PARD3: variants seen among roughly 807,000 people sequenced by gnomAD.
PARD3 encodes partitioning defective 3 homolog.
In PARD3, 75 loss-of-function variants were observed where a neutral mutation model predicts 155.4. That is an observed-to-expected ratio of 0.48 (90% confidence interval 0.40 to 0.58). PARD3 has a LOEUF of 0.58. Among genes scored for constraint, PARD3 ranks in the 20% least tolerant of loss-of-function variants. PARD3 has a pLI of 0.00. For synonymous variants in PARD3, 576 were observed against 610.5 expected (o/e 0.94, Z 0.83); for missense variants, 1,642 against 1,721.7 (o/e 0.95, Z 0.82).
chr10:34,249,202 A>G (rs2804543), intron 22 of PARD3, among the ~76,000 whole-genome samples: 97,326 of 151,962 alleles, frequency 0.64, 31,750 homozygotes, highest in African/African-American at 0.75. Flanking sequence ...TTAACAGTAG[A>G]CATCTCATTA....
At chr10:34,178,572 C>T (rs1051778078) in intron 22 of PARD3, among the ~76,000 whole-genome samples, 4 of 152,180 alleles carry the variant, frequency 2.6e-5, no homozygotes, top group Non-Finnish European at 5.9e-5. Context: ...CCTCCTGGAT[C>T]CTCCTCAAAA....
chr10:34,748,636 G>C (rs1241066788), intron 1 of PARD3, among the ~76,000 whole-genome samples: 1 of 151,850 alleles, frequency 6.6e-6, no homozygotes, highest in Non-Finnish European at 1.5e-5. Flanking sequence ...AACTCTTCAA[G>C]TAGCAGCATC....
At chr10:34,303,821 G>A (rs774999606) in intron 20 of PARD3, among the ~76,000 whole-genome samples, 10 of 152,090 alleles carry the variant, frequency 6.6e-5, no homozygotes, top group Non-Finnish European at 1.3e-4. Context: ...GGGCTGAGGT[G>A]GAGAGGAAGA....
At chr10:34,764,406 T>C (rs930631584) in intron 1 of PARD3, among the ~76,000 whole-genome samples, 5 of 152,184 alleles carry the variant, frequency 3.3e-5, no homozygotes, top group Non-Finnish European at 7.4e-5. Flanking sequence ...CAGTTTAAAA[T>C]AGAATTCCTT....
chr10:34,690,212 G>C (rs1394010868), intron 2 of PARD3, among the ~76,000 whole-genome samples: 1 of 152,194 alleles, frequency 6.6e-6, no homozygotes, highest in Non-Finnish European at 1.5e-5. Context: ...CCAAAGGGCT[G>C]AGATTACAGG....
intron 22 of PARD3, among the ~76,000 whole-genome samples, chr10:34,178,456 A>C (rs1178756661): frequency 6.6e-6 from 1 of 152,242 alleles, no homozygotes; most frequent in Non-Finnish European, 1.5e-5. Context: ...AATGACTTTA[A>C]ATGTCCCTGG....
intron 2 of PARD3, among the ~76,000 whole-genome samples, chr10:34,638,298 C>T (rs2092554699): frequency 6.6e-6 from 1 of 152,132 alleles, no homozygotes; most frequent in South Asian, 2.1e-4. Context: ...ACATTTTCCC[C>T]TAAATTCCTA....
rs139680341 is a variant in PARD3 at position 34,452,984 on chromosome 10, T to G, written c.583-2536A>C. Among the ~76,000 whole-genome samples the G allele has an allele frequency of 9.5e-4, 144 of 152,294 alleles. 1 individual carries two copies. The highest frequency in any genetic ancestry group is 3.3e-3 in the African/African-American group (136 of 41,580). On this transcript the variant is annotated intron_variant, in intron 4 of 24. Coordinates refer to ENST00000374788, the MANE Select transcript of PARD3 (RefSeq NM_001184785.2). ...ATCAACTTGTCTCTTACCTGAAATTTTAACAGTGGCCTTCTAACTGGACAC... is the reference window on the plus strand; with the variant it reads ...ATCAACTTGTCTCTTACCTGAAATTGTAACAGTGGCCTTCTAACTGGACAC...
chr10:34,144,052 A>T (rs1948335400), intron 22 of PARD3, among the ~76,000 whole-genome samples: 1 of 151,716 alleles, frequency 6.6e-6, no homozygotes, highest in Admixed American at 6.6e-5. Context: ...TTTCAGATTT[A>T]GTTAAATTAT....
At chr10:34,507,184 G>T (rs2081123430) in intron 3 of PARD3, among the ~76,000 whole-genome samples, 1 of 152,126 alleles carries the variant, frequency 6.6e-6, no homozygotes, top group Admixed American at 6.6e-5. Flanking sequence ...AACTACGGGA[G>T]AATATGCAAA....
chr10:34,729,181 G>A (rs1315425094), intron 1 of PARD3, among the ~76,000 whole-genome samples: 9 of 152,160 alleles, frequency 5.9e-5, no homozygotes, highest in Admixed American at 2.6e-4. Flanking sequence ...CTTAAGCGGC[G>A]CGTGACTATG....
chr10:34,308,194 C>T (rs780861018), intron 20 of PARD3, among the ~76,000 whole-genome samples: 3 of 152,032 alleles, frequency 2.0e-5, no homozygotes, highest in Non-Finnish European at 2.9e-5. Flanking sequence ...TTCTGTAGGG[C>T]CCTAAGGATT....
Position 34,704,777 on chromosome 10 carries a change from G to A in PARD3, c.121-8358C>T, listed in dbSNP as rs11815481. On this transcript the variant is annotated intron_variant, in intron 1 of 24. Coordinates refer to ENST00000374788, the MANE Select transcript of PARD3 (RefSeq NM_001184785.2). Reference sequence around the variant, plus strand: ...GACTAAAGAGAAACAAGTTTGAAAAGTCCTTTAAATAATAACCATGGCACA... The same window carrying A: ...GACTAAAGAGAAACAAGTTTGAAAAATCCTTTAAATAATAACCATGGCACA... Among the ~76,000 whole-genome samples, 130 of 152,286 alleles carry A rather than the reference G, an allele frequency of 8.5e-4. 1 individual carries two copies. Among genetic ancestry groups the A allele is most frequent in the African/African-American group, 3.0e-3 (124 of 41,562 alleles).
At chr10:34,540,264 A>G (rs2083511989) in intron 2 of PARD3, among the ~76,000 whole-genome samples, 1 of 152,094 alleles carries the variant, frequency 6.6e-6, no homozygotes, top group South Asian at 2.1e-4. Context: ...GTAGGTACAG[A>G]GTAAATATCT....
rs116642073 is a variant in PARD3, at chr10:34,382,737, G to T, written c.1202C>A (p.Thr401Lys). Residue 401 changes from threonine (T) to lysine (K), a missense_variant, in exon 9 of 25, where the codon ACG becomes AAG. Physicochemically the swap from Thr to Lys is moderately conservative, Grantham distance 78 (BLOSUM62 -1). Coordinates refer to ENST00000374788, the MANE Select transcript of PARD3 (RefSeq NM_001184785.2). The part of the protein sequence containing the change: ...NRSVNSAGLH[T>K]VQRAPRLNHP... ...GTTCAGTCGGGGTGCTCTCTGCACC[G>T]TGTGAAGCCCTGCACTGTTCACACT... 9 of 1,614,032 alleles carry T rather than the reference G, an allele frequency of 5.6e-6. No individual in the cohort carries two copies. In the African/African-American group the frequency reaches 1.2e-4, roughly 22 times the overall value.
At chr10:34,138,680 C>CTTG (rs1456446604) in intron 22 of PARD3, among the ~76,000 whole-genome samples, 1 of 152,198 alleles carries the variant, frequency 6.6e-6, no homozygotes, top group Non-Finnish European at 1.5e-5. Flanking sequence ...AAATCCACTA[C>CTTG]TTACAAAAGC....
At chr10:34,601,641 C>G (rs1427372832) in intron 2 of PARD3, among the ~76,000 whole-genome samples, 1 of 152,184 alleles carries the variant, frequency 6.6e-6, no homozygotes, top group African/African-American at 2.4e-5. Flanking sequence ...GAGTTGAGAA[C>G]CATTCAAGCT....
At chr10:34,381,480 G>A (rs1186436760) in intron 9 of PARD3, among the ~76,000 whole-genome samples, 1 of 152,176 alleles carries the variant, frequency 6.6e-6, no homozygotes, top group Non-Finnish European at 1.5e-5. Context: ...ATAAAGTCAA[G>A]TCCAATAGTT....
chr10:34,743,837 C>A (rs895177999), intron 1 of PARD3, among the ~76,000 whole-genome samples: 3 of 152,168 alleles, frequency 2.0e-5, no homozygotes, highest in African/African-American at 7.2e-5. Context: ...ACTGCCCCCA[C>A]AATCACGCCT....
Sources: allele counts gnomAD v4.1 joint callset (sites outside exome capture counted in the v4.1 genomes callset), GRCh38; gene constraint gnomAD v4.1.1; transcripts MANE v1.5; gene names NCBI Gene and HGNC (gene_info 2026-07-23, HGNC 2026-07-21).